The following RPL38 variants were observed in gnomAD, a reference collection of about 807,000 sequenced individuals.
RPL38 encodes large ribosomal subunit protein eL38.
Under a neutral mutation model 12.8 loss-of-function variants are expected in RPL38, and 2 were observed. That is an observed-to-expected ratio of 0.16 (90% CI 0.06 to 0.49). The LOEUF (loss-of-function observed/expected upper bound fraction) is 0.49. RPL38 is among the 20% of genes least tolerant of loss of function. The pLI is 0.96. For synonymous variants in RPL38, 42 were observed against 30.1 expected, an observed-to-expected ratio of 1.39 and a Z score of -1.29; for missense variants, 52 against 79.8, an observed-to-expected ratio of 0.65 and a Z score of 1.33.
intron 3 of RPL38, chr17:74,205,798 A>G (rs1166898853): frequency 6.6e-6 from 1 of 152,156 alleles, no homozygotes; most frequent in Non-Finnish European, 1.5e-5. Flanking sequence ...AAGCGGACAG[A>G]TCGCTTGAAC....
intron 3 of RPL38, 170 bp downstream of exon 3, chr17:74,204,360 G>C (rs2050091282): frequency 4.9e-6 from 3 of 616,694 alleles, no homozygotes; most frequent in Non-Finnish European, 8.6e-6. Context: ...CCTGTGGGGG[G>C]CACGTTGAGG....
intron 1 of RPL38, 64 bp from the exon 2 acceptor site, chr17:74,203,854 G>C: frequency 7.2e-7 from 1 of 1,396,940 alleles, no homozygotes; most frequent in African/African-American, 1.4e-5. Flanking sequence ...TCGGGGGAGA[G>C]CGGGAAAACG....
At chr17:74,208,380 C>T (rs1477783435) in intron 3 of RPL38, among the ~76,000 whole-genome samples, 2 of 152,160 alleles carry the variant, frequency 1.3e-5, no homozygotes, top group South Asian at 4.1e-4. Flanking sequence ...TACACAGTAG[C>T]TGTTTCTTGT....
At chr17:74,206,876 CTAATT>C (rs2050119886) in intron 3 of RPL38, among the ~76,000 whole-genome samples, 1 of 150,780 alleles carries the variant, frequency 6.6e-6, no homozygotes, top group African/African-American at 2.4e-5. Flanking sequence ...CCATGCCGGG[CTAATT>C]TTTTTTTTTT....
At chr17:74,204,420 C>T (rs1193354911) in intron 3 of RPL38, 7 of 558,600 alleles carry the variant, frequency 1.3e-5, no homozygotes, top group Non-Finnish European at 1.9e-5. Flanking sequence ...ATCTCAGAGG[C>T]CGCCCTGAGT....
intron 4 of RPL38, 180 bp downstream of exon 4, chr17:74,209,489 C>G (rs970918933): frequency 2.8e-6 from 2 of 722,636 alleles, no homozygotes. Flanking sequence ...TATACAGTAC[C>G]AGAAATCATT....
rs1598207313 is a variant in RPL38, at chr17:74,209,938, A to G, written c.*109A>G. ...AAATGCTACCTCGTAGTGGCTTCTG[A>G]TGGGAACAGGACGCGGGTTCTGTTG... On this transcript the variant is annotated 3_prime_UTR_variant, in exon 5 of 5. Transcript: ENST00000311111. 1 of 698,548 alleles carries G rather than the reference A, an allele frequency of 1.4e-6. No individual in the cohort carries two copies. Among genetic ancestry groups the G allele is most frequent in the Non-Finnish European group, 2.5e-6 (1 of 393,380 alleles). 43.3% of individuals were successfully genotyped at this position (698,548 alleles called of 1,614,324 possible).
chr17:74,209,975 TGTC>T lies in RPL38; in HGVS notation c.*147_*149del, dbSNP rs1357231070. 3 of 516,190 alleles carry T rather than the reference TGTC, an allele frequency of 5.8e-6. No homozygotes were observed. The highest frequency in any genetic ancestry group is 3.4e-5 in the East Asian group (1 of 29,030). 32.0% of individuals were successfully genotyped at this position (516,190 alleles called of 1,614,324 possible). A position where few individuals can be genotyped will look rare whatever the true frequency, so the allele number is the denominator to read the frequency against. ...CGCGGGTTCTGTTGCTGCCTTCCTGTGTCTTTTTTTTTTTTTTTTTTTCTTTCT... is the reference window on the plus strand; with the variant it reads ...CGCGGGTTCTGTTGCTGCCTTCCTGTTTTTTTTTTTTTTTTTTTTCTTTCT... On this transcript the variant is annotated 3_prime_UTR_variant, in exon 5 of 5. Coordinates refer to ENST00000311111, the MANE Select transcript of RPL38 (RefSeq NM_000999.4).
In RPL38 at chr17:74,208,513, C is replaced by T. The variant is rs571648436; in HGVS notation, c.65-674C>T. 3.4e-3 allele frequency among the ~76,000 whole-genome samples: 525 copies of T among 152,316 alleles called. 12 individuals carry two copies. In the South Asian group the frequency reaches 0.045, roughly 13 times the overall value. On this transcript the variant is annotated intron_variant, in intron 3 of 4. Coordinates refer to ENST00000311111, the MANE Select transcript of RPL38 (RefSeq NM_000999.4). ...CAGTGGCTGGAGGCATCCTGAAGAA[C>T]GAGCTCTTACTGGCCCAGAATGTCA... is the stretch of plus-strand genomic sequence containing the variant.
chr17:74,209,143 G>C, intron 3 of RPL38, 44 bp from the exon 4 acceptor site: 2 of 1,607,482 alleles, frequency 1.2e-6, no homozygotes, highest in Non-Finnish European at 1.7e-6. Context: ...TGTCACATCT[G>C]TTTTCTGTGA....
rs58720199 is a variant in RPL38, at chr17:74,209,978, C to CTT, written c.*167_*168dup. The CTT allele has an allele frequency of 0.048, 16,888 of 354,830 alleles. 485 individuals are homozygous for CTT. Among genetic ancestry groups the CTT allele is most frequent in the African/African-American group, 0.12 (4,522 of 38,412 alleles). 22.0% of individuals were successfully genotyped at this position (354,830 alleles called of 1,614,324 possible). On this transcript the variant is annotated 3_prime_UTR_variant, in exon 5 of 5. Transcript: ENST00000311111. ...GGGTTCTGTTGCTGCCTTCCTGTGTCTTTTTTTTTTTTTTTTTTTCTTTCT... is the reference window on the plus strand; with the variant it reads ...GGGTTCTGTTGCTGCCTTCCTGTGTCTTTTTTTTTTTTTTTTTTTTTCTTTCT...
Position 74,206,708 on chromosome 17 carries a change from C to CTTTTTTTTTTT in RPL38, c.65-2467_65-2457dup, listed in dbSNP as rs35333460. On this transcript the variant is annotated intron_variant, in intron 3 of 4. Coordinates refer to ENST00000311111, the MANE Select transcript of RPL38 (RefSeq NM_000999.4). ...CAGAATTGCCTTCTGTTTTTTCTTTCTTTTTTTTTTTTTTTTTTTTTTGAC... is the reference window on the plus strand; with the variant it reads ...CAGAATTGCCTTCTGTTTTTTCTTTCTTTTTTTTTTTTTTTTTTTTTTTTTTTTTTTTTGAC... Among the ~76,000 whole-genome samples the CTTTTTTTTTTT allele has an allele frequency of 9.8e-5, 10 of 101,588 alleles. 1 individual carries two copies. The highest frequency in any genetic ancestry group is 3.0e-4 in the East Asian group (1 of 3,280). 66.6% of individuals were successfully genotyped at this position (101,588 alleles called of 152,430 possible).
chr17:74,203,994 G>T lies in RPL38; in HGVS notation c.3+36G>T, dbSNP rs755234175. On this transcript the variant is annotated intron_variant, in intron 2 of 4. Coordinates refer to ENST00000311111, the MANE Select transcript of RPL38 (RefSeq NM_000999.4). ...TCCCTGCCTGGCGCCTTCCCGGGGTGGGCTCGTGGGGCCCCGGGGCGAGGG... is the reference window on the plus strand; with the variant it reads ...TCCCTGCCTGGCGCCTTCCCGGGGTTGGCTCGTGGGGCCCCGGGGCGAGGG... 9.3e-6 allele frequency: 15 copies of T among 1,612,836 alleles called. No individual in the cohort carries two copies. The South Asian group carries it at 1.4e-4, about 15-fold the overall frequency.
In RPL38 at chr17:74,203,904, A is replaced by G; in HGVS notation, c.-38-14A>G. The stretch of plus-strand genomic sequence containing the variant: ...CCCCCGCGCCGTGTTAACGCCGAGG[A>G]CTGTTTCCCGCAGGTCCTGGTCCGC... On this transcript the variant is annotated splice_polypyrimidine_tract_variant and intron_variant, in intron 1 of 4. Coordinates refer to ENST00000311111, the MANE Select transcript of RPL38 (RefSeq NM_000999.4). 6.3e-7 allele frequency: 1 copy of G among 1,579,816 alleles called. No homozygotes were observed. The highest frequency in any genetic ancestry group is 8.6e-7 in the Non-Finnish European group (1 of 1,160,606).
intron 3 of RPL38, chr17:74,204,907 A>C (rs917260819): frequency 1.3e-5 from 2 of 151,740 alleles, no homozygotes; most frequent in Admixed American, 6.6e-5. Flanking sequence ...CTGGTCTCGA[A>C]CTCCTAACCT....
Position 74,210,431 on chromosome 17 carries a change from C to G in RPL38, c.*602C>G, listed in dbSNP as rs1190786862. 1.3e-5 allele frequency: 2 copies of G among 152,394 alleles called. No homozygotes were observed. The highest frequency in any genetic ancestry group is 2.9e-5 in the Non-Finnish European group (2 of 68,154). 9.4% of individuals were successfully genotyped at this position (152,394 alleles called of 1,614,324 possible). A position where few individuals can be genotyped will look rare whatever the true frequency, so the allele number is the denominator to read the frequency against. On this transcript the variant is annotated 3_prime_UTR_variant, in exon 5 of 5. Transcript: ENST00000311111. Reference sequence around the variant, plus strand: ...CCAAAATGGGTGCAACAAGGTATAGCACATCTACCACTCGCTAACTTGACT... The same window carrying G: ...CCAAAATGGGTGCAACAAGGTATAGGACATCTACCACTCGCTAACTTGACT...
At chr17:74,207,305 G>A (rs920786456) in intron 3 of RPL38, among the ~76,000 whole-genome samples, 58 of 151,930 alleles carry the variant, frequency 3.8e-4, no homozygotes, top group African/African-American at 1.2e-3. Context: ...CACCCAGACC[G>A]GAGTTTTCTT....
chr17:74,205,387 G>A (rs1387340191), intron 3 of RPL38: 3 of 152,234 alleles, frequency 2.0e-5, no homozygotes, highest in Non-Finnish European at 4.4e-5. Context: ...TAAGACACCA[G>A]CCGTCTCTAA....
Position 74,209,211 on chromosome 17 carries a change from A to T in RPL38, c.89A>T (p.Asp30Val). ...AKSVKIKKNKDNVKFKVRCSR... is the reference protein window; with the variant it reads ...AKSVKIKKNKVNVKFKVRCSR... Reference sequence around the variant, plus strand: ...GCTGTCAAGATCAAGAAAAATAAGGACAACGTGAAGTTTAAAGTTCGATGC... The same window carrying T: ...GCTGTCAAGATCAAGAAAAATAAGGTCAACGTGAAGTTTAAAGTTCGATGC... The change falls in exon 4 of 5, where the codon GAC becomes GTC. Residue 30 changes from aspartate (D) to valine (V), a missense_variant. Transcript: ENST00000311111. 6.2e-7 allele frequency: 1 copy of T among 1,613,928 alleles called. No homozygotes were observed. Among genetic ancestry groups the T allele is most frequent in the Non-Finnish European group, 8.5e-7 (1 of 1,179,924 alleles).
Sources: gnomAD v4.1 joint callset for allele counts (sites outside exome capture counted in the v4.1 genomes callset) on GRCh38, gnomAD v4.1.1 for gene constraint, MANE v1.5 for transcripts, NCBI Gene and HGNC (gene_info 2026-07-23, HGNC 2026-07-21) for gene names.